Variants in MDGA2 observed in about 807,000 individuals in gnomAD.
MDGA2 encodes MAM domain containing glycosylphosphatidylinositol anchor 2.
A neutral mutation model predicts 117.8 loss-of-function variants in MDGA2; 40 were observed. The observed-to-expected ratio is 0.34, with a 90% CI of 0.26 to 0.44. The LOEUF (loss-of-function observed/expected upper bound fraction) is 0.44, where lower values mean the gene tolerates loss of function less well. Among genes scored for constraint, MDGA2 ranks in the 20% least tolerant of loss-of-function variants. MDGA2 has a pLI of 1.00. For synonymous variants in MDGA2, 452 were observed against 439.0 expected (o/e 1.03, Z -0.37); for missense variants, 1,123 against 1,250.6 (o/e 0.90, Z 1.54).
At chr14:47,029,584 AT>A (rs1888588199) in intron 8 of MDGA2, among the ~76,000 whole-genome samples, 1 of 152,138 alleles carries the variant, frequency 6.6e-6, no homozygotes, top group South Asian at 2.1e-4. Context: ...ATTCAATGCA[AT>A]ATATTCTCCA....
chr14:47,646,026 G>C lies in MDGA2; in HGVS notation c.280+28491C>G, dbSNP rs1472094591. 2.0e-5 allele frequency among the ~76,000 whole-genome samples: 3 copies of C among 149,200 alleles called. No individual in the cohort carries two copies. In the East Asian group the frequency reaches 5.9e-4, roughly 29 times the overall value. On this transcript the variant is annotated intron_variant, in intron 1 of 16. Transcript: ENST00000399232. ...ACTCGGGAGGCGGAGCTTGCAGTGA[G>C]CTGAGATCCCGCCACTGCACTCCAG... is the stretch of plus-strand genomic sequence containing the variant.
At chr14:47,613,458 A>ACC (rs1896888842) in intron 1 of MDGA2, among the ~76,000 whole-genome samples, 1 of 146,424 alleles carries the variant, frequency 6.8e-6, no homozygotes, top group Admixed American at 6.9e-5. Flanking sequence ...TACTTCATTT[A>ACC]TCTCTCTCTC....
At chr14:47,193,990 C>T (rs570706384) in intron 3 of MDGA2, among the ~76,000 whole-genome samples, 3 of 152,174 alleles carry the variant, frequency 2.0e-5, no homozygotes, top group South Asian at 2.1e-4. Flanking sequence ...TTCTGAAGTC[C>T]CTTTAGCACA....
At chr14:47,288,794 T>G (rs1246936413) in intron 2 of MDGA2, among the ~76,000 whole-genome samples, 1 of 150,824 alleles carries the variant, frequency 6.6e-6, no homozygotes, top group Non-Finnish European at 1.5e-5. Flanking sequence ...TCTTAATAAC[T>G]GTTTTCTTAT....
chr14:47,273,011 T>C (rs370579362), intron 2 of MDGA2, among the ~76,000 whole-genome samples: 8 of 152,116 alleles, frequency 5.3e-5, no homozygotes, highest in East Asian at 3.9e-4. Context: ...GAAGCAATCT[T>C]TGGAGGTATC....
At chr14:47,151,192 A>G (rs564691390) in intron 3 of MDGA2, among the ~76,000 whole-genome samples, 1 of 152,348 alleles carries the variant, frequency 6.6e-6, no homozygotes, top group Admixed American at 6.5e-5. Context: ...AATGAGTTCA[A>G]CTGTGCTGCA....
chr14:46,873,129 A>C (rs180928766), intron 14 of MDGA2, among the ~76,000 whole-genome samples: 6 of 152,106 alleles, frequency 3.9e-5, no homozygotes, highest in Admixed American at 3.9e-4. Flanking sequence ...TTCGGAAAGA[A>C]GCAGCCTAAA....
chr14:47,439,524 C>T (rs181738018), intron 1 of MDGA2, among the ~76,000 whole-genome samples: 5 of 152,242 alleles, frequency 3.3e-5, no homozygotes, highest in Admixed American at 2.6e-4. Context: ...TCCCCTTCTG[C>T]TGTCCCTACT....
At position 47,376,947 on chromosome 14, in the gene MDGA2, G is replaced by C. The variant is rs1243883193; in HGVS notation, c.281-75397C>G. 3.3e-5 allele frequency among the ~76,000 whole-genome samples: 5 copies of C among 152,220 alleles called. No individual in the cohort carries two copies. In the East Asian group the frequency reaches 9.7e-4, roughly 29 times the overall value. On this transcript the variant is annotated intron_variant, in intron 1 of 16. Coordinates refer to ENST00000399232, the MANE Select transcript of MDGA2 (RefSeq NM_001113498.3). Reference sequence around the variant, plus strand: ...TACTCCACATGTAAAGTAACAATAAGAGTGCTGGTGGACTATAGAAAAAAT... The same window carrying C: ...TACTCCACATGTAAAGTAACAATAACAGTGCTGGTGGACTATAGAAAAAAT...
intron 1 of MDGA2, among the ~76,000 whole-genome samples, chr14:47,597,845 TACAC>T (rs35221587): frequency 0.11 from 15,407 of 141,206 alleles, 858 homozygotes; most frequent in Non-Finnish European, 0.14. Context: ...CACACACACA[TACAC>T]ACACACACAC....
At chr14:47,123,686 G>A (rs1881761030) in intron 5 of MDGA2, among the ~76,000 whole-genome samples, 1 of 151,898 alleles carries the variant, frequency 6.6e-6, no homozygotes, top group African/African-American at 2.4e-5. Flanking sequence ...CATTTCTATA[G>A]ATTTTAGTGG....
chr14:47,140,981 A>G (rs1425803441), intron 4 of MDGA2, among the ~76,000 whole-genome samples: 1 of 152,174 alleles, frequency 6.6e-6, no homozygotes, highest in Non-Finnish European at 1.5e-5. Context: ...TAAAATGGGC[A>G]AAAGATGTAA....
chr14:47,450,461 G>A (rs1893218041), intron 1 of MDGA2, among the ~76,000 whole-genome samples: 1 of 151,964 alleles, frequency 6.6e-6, no homozygotes, highest in African/African-American at 2.4e-5. Flanking sequence ...TCCAAGCAGT[G>A]CTATATTGAC....
At chr14:47,028,114 G>A (rs980621398) in intron 8 of MDGA2, among the ~76,000 whole-genome samples, 5 of 152,110 alleles carry the variant, frequency 3.3e-5, no homozygotes, top group African/African-American at 1.2e-4. Flanking sequence ...AAGATTCTAT[G>A]AGTCAAAGAA....
chr14:46,971,100 C>A (rs1886243977), intron 8 of MDGA2, among the ~76,000 whole-genome samples: 1 of 152,038 alleles, frequency 6.6e-6, no homozygotes, highest in South Asian at 2.1e-4. Flanking sequence ...AAAGACAATT[C>A]ATACACTGCT....
intron 1 of MDGA2, among the ~76,000 whole-genome samples, chr14:47,663,964 C>T (rs1488133307): frequency 1.3e-5 from 2 of 152,054 alleles, no homozygotes; most frequent in African/African-American, 4.8e-5. Context: ...CGTATTTGAA[C>T]ACACTTATAG....
At chr14:47,057,616 TCCCTCCTCTCCCCTCCCCTC>T (rs879638636) in intron 7 of MDGA2, among the ~76,000 whole-genome samples, 29,207 of 148,928 alleles carry the variant, frequency 0.2, 2,992 homozygotes, top group Admixed American at 0.29. Context: ...TCCTTTTCTT[TCCCTCCTCTCCCCTCCCCTC>T]CCCTCCTTTC....
intron 8 of MDGA2, among the ~76,000 whole-genome samples, chr14:46,958,363 T>C (rs909978188): frequency 1.3e-5 from 2 of 152,012 alleles, no homozygotes; most frequent in Non-Finnish European, 2.9e-5. Flanking sequence ...CCATAAGCGC[T>C]TGGGGGGAAA....
At chr14:46,879,213 G>C (rs976955825) in intron 11 of MDGA2, among the ~76,000 whole-genome samples, 1 of 151,998 alleles carries the variant, frequency 6.6e-6, no homozygotes, top group Admixed American at 6.6e-5. Flanking sequence ...AGACACCAGA[G>C]AGCTCTCTCT....
Sources: allele counts gnomAD v4.1 joint callset (sites outside exome capture counted in the v4.1 genomes callset), GRCh38; gene constraint gnomAD v4.1.1; transcripts MANE v1.5; gene names NCBI Gene and HGNC (gene_info 2026-07-23, HGNC 2026-07-21).